Variants in KCND3 observed in about 807,000 individuals in gnomAD.
The protein encoded by KCND3 is A-type voltage-gated potassium channel KCND3.
KCND3 carries 9 observed loss-of-function variants against 51.1 expected under a neutral mutation model. The observed-to-expected ratio is 0.18, with a 90% CI of 0.11 to 0.31. The LOEUF (loss-of-function observed/expected upper bound fraction) is 0.31, where lower values mean the gene tolerates loss of function less well. Ranked by LOEUF, KCND3 falls within the 10% of genes least tolerant of loss-of-function variation. The probability of loss-of-function intolerance (pLI) is 1.00; values close to 1 mark genes in which losing one functional copy is unlikely to be tolerated. For synonymous variants in KCND3, 349 were observed against 368.0 expected, an observed-to-expected ratio of 0.95 and a Z score of 0.59; for missense variants, 526 against 903.8, an observed-to-expected ratio of 0.58 and a Z score of 5.36.
At chr1:111,975,010 T>C (rs568774426) in intron 2 of KCND3, among the ~76,000 whole-genome samples, 45 of 152,348 alleles carry the variant, frequency 3.0e-4, no homozygotes, top group African/African-American at 1.1e-3. Flanking sequence ...CCTGAAGCCC[T>C]CTGGCTTCCT....
intron 2 of KCND3, among the ~76,000 whole-genome samples, chr1:111,919,507 G>A: frequency 6.6e-6 from 1 of 152,110 alleles, no homozygotes; most frequent in East Asian, 1.9e-4. Flanking sequence ...AAGGCCAGAG[G>A]AGATAAAGCC....
intron 2 of KCND3, among the ~76,000 whole-genome samples, chr1:111,832,537 C>T (rs1241511668): frequency 2.6e-5 from 4 of 152,160 alleles, no homozygotes; most frequent in Non-Finnish European, 5.9e-5. Flanking sequence ...CTCTCTGATG[C>T]CCCTTCCCTA....
intron 2 of KCND3, among the ~76,000 whole-genome samples, chr1:111,811,069 A>C (rs1665825479): frequency 6.6e-6 from 1 of 152,202 alleles, no homozygotes; most frequent in South Asian, 2.1e-4. Flanking sequence ...GTTCCATTTC[A>C]TTAGATCTTA....
At chr1:111,874,577 ACTT>A (rs1257332517) in intron 2 of KCND3, among the ~76,000 whole-genome samples, 3 of 152,076 alleles carry the variant, frequency 2.0e-5, no homozygotes, top group Non-Finnish European at 4.4e-5. Flanking sequence ...GCAATCTTAT[ACTT>A]CTTACTCATA....
rs148219614 is a variant in KCND3 at position 111,870,409 on chromosome 1, C to T, written c.1107-83303G>A. ...GACATCAGAGTCACTGTGTCACAGA[C>T]GGAGACTTAGCTTGAACTAAGAGGA... On this transcript the variant is annotated intron_variant, in intron 2 of 7. Coordinates refer to ENST00000302127, the MANE Select transcript of KCND3 (RefSeq NM_001378969.1). Among the ~76,000 whole-genome samples, 515 of 152,282 alleles carry T rather than the reference C, an allele frequency of 3.4e-3. 3 individuals are homozygous for T. The highest frequency in any genetic ancestry group is 0.012 in the African/African-American group (483 of 41,538).
At chr1:111,888,575 G>A (rs1254643896) in intron 2 of KCND3, among the ~76,000 whole-genome samples, 4 of 151,860 alleles carry the variant, frequency 2.6e-5, no homozygotes, top group African/African-American at 7.2e-5. Context: ...CCAGCTACTC[G>A]GGAGGCTGAG....
intron 2 of KCND3, among the ~76,000 whole-genome samples, chr1:111,838,342 T>C (rs977280961): frequency 6.6e-6 from 1 of 152,250 alleles, no homozygotes; most frequent in Non-Finnish European, 1.5e-5. Flanking sequence ...GTATGTGCTA[T>C]GGATGCCTCC....
intron 1 of KCND3, among the ~76,000 whole-genome samples, chr1:111,984,331 G>T (rs1291309549): frequency 6.6e-6 from 1 of 152,264 alleles, no homozygotes; most frequent in East Asian, 1.9e-4. Context: ...CTCTGAAGTG[G>T]ACAGGTTTAA....
Position 111,918,188 on chromosome 1 carries a change from C to T in KCND3, c.1106+63433G>A, listed in dbSNP as rs1230447864. 4.6e-5 allele frequency among the ~76,000 whole-genome samples: 7 copies of T among 152,238 alleles called. No individual in the cohort carries two copies. In the East Asian group the frequency reaches 1.4e-3, roughly 29 times the overall value. ...TTAGATTTAATGAAATAAGTGTGCA[C>T]AAGAAAACCACTTTGTAAACTGTAA... On this transcript the variant is annotated intron_variant, in intron 2 of 7. Transcript: ENST00000302127.
chr1:111,849,609 G>A (rs966651517), intron 2 of KCND3, among the ~76,000 whole-genome samples: 2 of 152,236 alleles, frequency 1.3e-5, no homozygotes, highest in African/African-American at 2.4e-5. Flanking sequence ...CCAGGTAGCA[G>A]CTCGGCTTCA....
chr1:111,977,111 G>A (rs1006499251), intron 2 of KCND3, among the ~76,000 whole-genome samples: 1 of 152,226 alleles, frequency 6.6e-6, no homozygotes, highest in Non-Finnish European at 1.5e-5. Flanking sequence ...CTAGGCAGGG[G>A]CCCACCCCCA....
intron 2 of KCND3, among the ~76,000 whole-genome samples, chr1:111,899,832 G>A (rs746689115): frequency 6.6e-6 from 1 of 152,140 alleles, no homozygotes; most frequent in Non-Finnish European, 1.5e-5. Flanking sequence ...GTGAGCCCCA[G>A]CAACTAAGAA....
intron 2 of KCND3, among the ~76,000 whole-genome samples, chr1:111,800,556 A>T (rs895573869): frequency 2.0e-5 from 3 of 150,154 alleles, no homozygotes; most frequent in African/African-American, 7.3e-5. Context: ...TAAATTTAAA[A>T]AAAAAAAAAA....
intron 2 of KCND3, among the ~76,000 whole-genome samples, chr1:111,901,403 A>C (rs1212211167): frequency 2.0e-5 from 3 of 152,256 alleles, no homozygotes; most frequent in African/African-American, 7.2e-5. Flanking sequence ...ACTTATTAGC[A>C]TAAAAGCTTT....
At chr1:111,817,384 C>T (rs542173752) in intron 2 of KCND3, among the ~76,000 whole-genome samples, 1 of 152,270 alleles carries the variant, frequency 6.6e-6, no homozygotes, top group East Asian at 1.9e-4. Context: ...TTAAAAATGT[C>T]CAAGACCAAA....
At chr1:111,823,400 C>T (rs1437682121) in intron 2 of KCND3, among the ~76,000 whole-genome samples, 1 of 152,180 alleles carries the variant, frequency 6.6e-6, no homozygotes, top group African/African-American at 2.4e-5. Flanking sequence ...CCTGACATAA[C>T]ATAGCCTGAC....
chr1:111,847,505 T>C (rs1667609582), intron 2 of KCND3, among the ~76,000 whole-genome samples: 1 of 152,106 alleles, frequency 6.6e-6, no homozygotes, highest in Admixed American at 6.5e-5. Context: ...GCCATGGGCC[T>C]TAGATGAGCA....
At chr1:111,795,441 G>A (rs1283911216) in intron 2 of KCND3, among the ~76,000 whole-genome samples, 1 of 152,200 alleles carries the variant, frequency 6.6e-6, no homozygotes, top group Non-Finnish European at 1.5e-5. Context: ...ATAAGTATGG[G>A]CCATTTAATT....
At chr1:111,816,276 A>T (rs1325878835) in intron 2 of KCND3, among the ~76,000 whole-genome samples, 1 of 152,230 alleles carries the variant, frequency 6.6e-6, no homozygotes, top group Non-Finnish European at 1.5e-5. Context: ...TCTCTCCAGG[A>T]GCTGGAAATG....
Sources: allele counts gnomAD v4.1 joint callset (sites outside exome capture counted in the v4.1 genomes callset), GRCh38; gene constraint gnomAD v4.1.1; transcripts MANE v1.5; gene names NCBI Gene and HGNC (gene_info 2026-07-23, HGNC 2026-07-21).